The following LRFN5 variants were observed in gnomAD, a reference collection of about 807,000 sequenced individuals.
The protein encoded by LRFN5 is leucine rich repeat and fibronectin type III domain containing 5.
A neutral mutation model predicts 45.6 loss-of-function variants in LRFN5; 24 were observed. The observed-to-expected ratio is 0.53, with a 90% CI of 0.38 to 0.74. The LOEUF is 0.74. Among genes scored for constraint, LRFN5 ranks in the 30% least tolerant of loss-of-function variants. The pLI, the probability that LRFN5 is intolerant of heterozygous loss-of-function variation, is 0.00. For missense variants in LRFN5, 776 were observed against 861.5 expected (o/e 0.90, Z 1.24); for synonymous variants, 340 against 313.8 (o/e 1.08, Z -0.88).
chr14:41,833,774 C>G (rs1474829105), intron 2 of LRFN5, among the ~76,000 whole-genome samples: 1 of 152,156 alleles, frequency 6.6e-6, no homozygotes, highest in Non-Finnish European at 1.5e-5. Flanking sequence ...ATAACCATCT[C>G]CTAGTTTCTC....
intron 1 of LRFN5, among the ~76,000 whole-genome samples, chr14:41,645,902 A>G (rs1879793741): frequency 6.6e-6 from 1 of 152,176 alleles, no homozygotes; most frequent in African/African-American, 2.4e-5. Context: ...TACAAATTAC[A>G]TTTTCAGCAA....
chr14:41,734,717 A>G (rs1392661920), intron 1 of LRFN5, among the ~76,000 whole-genome samples: 1 of 151,736 alleles, frequency 6.6e-6, no homozygotes, highest in Non-Finnish European at 1.5e-5. Flanking sequence ...CATTCTGGTT[A>G]GTTTGTAGAT....
chr14:41,640,556 G>T (rs1249279879), intron 1 of LRFN5, among the ~76,000 whole-genome samples: 1 of 152,074 alleles, frequency 6.6e-6, no homozygotes, highest in African/African-American at 2.4e-5. Context: ...TTAGGACACT[G>T]TGGAGATAGA....
intron 1 of LRFN5, among the ~76,000 whole-genome samples, chr14:41,649,889 T>C (rs1274178976): frequency 1.3e-5 from 2 of 152,214 alleles, no homozygotes; most frequent in East Asian, 3.8e-4. Context: ...CAGTAGTTCC[T>C]CTAGCCATGT....
chr14:41,749,993 T>C (rs1483103371), intron 1 of LRFN5, among the ~76,000 whole-genome samples: 1 of 152,064 alleles, frequency 6.6e-6, no homozygotes, highest in African/African-American at 2.4e-5. Flanking sequence ...GACATGCACA[T>C]TTTGAAACTG....
At chr14:41,828,102 T>C (rs1056180072) in intron 2 of LRFN5, among the ~76,000 whole-genome samples, 1 of 152,000 alleles carries the variant, frequency 6.6e-6, no homozygotes, top group African/African-American at 2.4e-5. Context: ...GGGAAATAGG[T>C]CAGCTTTTTT....
chr14:41,636,503 T>A (rs1267055688), intron 1 of LRFN5, among the ~76,000 whole-genome samples: 1 of 152,042 alleles, frequency 6.6e-6, no homozygotes, highest in African/African-American at 2.4e-5. Context: ...CAGCACCAGT[T>A]ACATTGTTTA....
intron 3 of LRFN5, 32 bp from the exon 4 acceptor site, chr14:41,891,218 T>C: frequency 6.4e-7 from 1 of 1,556,126 alleles, no homozygotes; most frequent in Non-Finnish European, 8.8e-7. Context: ...TGTTTTGTTA[T>C]TAATATTAAC....
chr14:41,809,396 T>G (rs1887661770), intron 2 of LRFN5, among the ~76,000 whole-genome samples: 1 of 152,004 alleles, frequency 6.6e-6, no homozygotes, highest in African/African-American at 2.4e-5. Context: ...TTTTTTTTAA[T>G]TCTTAATGCA....
intron 1 of LRFN5, among the ~76,000 whole-genome samples, chr14:41,752,130 T>C (rs921231347): frequency 1.5e-4 from 23 of 152,212 alleles, no homozygotes; most frequent in African/African-American, 5.5e-4. Flanking sequence ...TTCCATAGTG[T>C]ATATGTGCCA....
chr14:41,882,870 A>G (rs184752694), intron 2 of LRFN5, among the ~76,000 whole-genome samples: 1,317 of 103,218 alleles, frequency 0.013, 19 homozygotes, highest in African/African-American at 0.044. Context: ...TTTTTTTGAG[A>G]TGGATTCTCG....
intron 2 of LRFN5, among the ~76,000 whole-genome samples, chr14:41,796,057 A>G (rs1016736124): frequency 2.0e-5 from 3 of 152,058 alleles, no homozygotes; most frequent in African/African-American, 7.2e-5. Context: ...TTAATTTAGT[A>G]GTTACTTTCT....
intron 5 of LRFN5, among the ~76,000 whole-genome samples, chr14:41,902,188 G>C (rs1435528729): frequency 3.3e-5 from 5 of 151,562 alleles, no homozygotes; most frequent in Non-Finnish European, 7.4e-5. Context: ...TTATCTTTTA[G>C]TACTGTTAAT....
intron 1 of LRFN5, among the ~76,000 whole-genome samples, chr14:41,713,593 G>A (rs923181746): frequency 4.6e-5 from 7 of 152,052 alleles, no homozygotes; most frequent in African/African-American, 1.4e-4. Context: ...GCCAGAAGAG[G>A]AAAGAAGAAC....
chr14:41,861,643 A>T (rs1283559100), intron 2 of LRFN5, among the ~76,000 whole-genome samples: 1 of 152,088 alleles, frequency 6.6e-6, no homozygotes. Context: ...CTTGCATAGT[A>T]GTAGTGATCA....
chr14:41,632,013 C>A (rs1014627065), intron 1 of LRFN5, among the ~76,000 whole-genome samples: 1 of 151,866 alleles, frequency 6.6e-6, no homozygotes, highest in Non-Finnish European at 1.5e-5. Context: ...TCTAATGACA[C>A]AAAGGAAAAA....
At chr14:41,644,909 G>T (rs897177528) in intron 1 of LRFN5, among the ~76,000 whole-genome samples, 2 of 152,080 alleles carry the variant, frequency 1.3e-5, no homozygotes, top group African/African-American at 2.4e-5. Flanking sequence ...GATCATATTT[G>T]ACATTCTAAA....
At chr14:41,668,972 T>C (rs1234408043) in intron 1 of LRFN5, among the ~76,000 whole-genome samples, 1 of 152,078 alleles carries the variant, frequency 6.6e-6, no homozygotes, top group African/African-American at 2.4e-5. Flanking sequence ...CTTAAGCAAT[T>C]ATGATCTATA....
rs1216739405 is a variant in LRFN5 at position 41,685,056 on chromosome 14, G to A, written c.-197+76494G>A. Among the ~76,000 whole-genome samples, 5 of 152,108 alleles carry A rather than the reference G, an allele frequency of 3.3e-5. No individual in the cohort carries two copies. The South Asian group carries it at 6.2e-4, about 19-fold the overall frequency. On this transcript the variant is annotated intron_variant, in intron 1 of 5. Transcript: ENST00000298119. ...AAACTGGTATGTGAAAAGGTGCTAGGCATTATTAATCACTGGGGAAATGCA... is the reference window on the plus strand; with the variant it reads ...AAACTGGTATGTGAAAAGGTGCTAGACATTATTAATCACTGGGGAAATGCA...
Sources: gnomAD v4.1 joint callset for allele counts (sites outside exome capture counted in the v4.1 genomes callset) on GRCh38, gnomAD v4.1.1 for gene constraint, MANE v1.5 for transcripts, NCBI Gene and HGNC (gene_info 2026-07-23, HGNC 2026-07-21) for gene names.